Variants in EED observed in about 807,000 individuals in gnomAD.
The protein encoded by EED is embryonic ectoderm development.
A neutral mutation model predicts 61.0 loss-of-function variants in EED; 9 were observed. The observed-to-expected ratio is 0.15, with a 90% CI of 0.09 to 0.26. The LOEUF is 0.26. EED is among the 10% of genes least tolerant of loss of function. EED has a pLI of 1.00. For missense variants in EED, 315 were observed against 542.3 expected (o/e 0.58, Z 4.16); for synonymous variants, 187 against 174.4 (o/e 1.07, Z -0.57).
chr11:86,263,938 T>G, intron 6 of EED: 1 of 487,596 alleles, frequency 2.1e-6, no homozygotes, highest in Non-Finnish European at 3.7e-6. Flanking sequence ...ACTATTGCAT[T>G]GGGGATTGAG....
chr11:86,276,341 TC>T (rs1305284740), intron 9 of EED: 1 of 152,330 alleles, frequency 6.6e-6, no homozygotes, highest in East Asian at 1.9e-4. Context: ...TTCAATCCTA[TC>T]CCCATATGAG....
At chr11:86,249,345 G>A (rs1945467991) in intron 1 of EED, among the ~76,000 whole-genome samples, 1 of 147,814 alleles carries the variant, frequency 6.8e-6, no homozygotes, top group East Asian at 2.0e-4. Flanking sequence ...AGCCCCTAAA[G>A]CAGTGTTTCC....
At chr11:86,252,313 A>AAAGAT in intron 3 of EED, 73 bp downstream of exon 3, 1 of 1,082,576 alleles carries the variant, frequency 9.2e-7, no homozygotes, top group Admixed American at 2.1e-5. Flanking sequence ...TTGAAATAGA[A>AAAGAT]TAATTTCAAA....
At chr11:86,267,691 C>T (rs1056290553) in intron 8 of EED, among the ~76,000 whole-genome samples, 7 of 151,778 alleles carry the variant, frequency 4.6e-5, no homozygotes, top group Admixed American at 3.3e-4. Flanking sequence ...ACCTCTGCCT[C>T]GCAGGTTCAA....
chr11:86,258,486 T>C (rs955216413), intron 6 of EED, among the ~76,000 whole-genome samples: 1 of 152,112 alleles, frequency 6.6e-6, no homozygotes, highest in African/African-American at 2.4e-5. Context: ...TCTGAACAAC[T>C]GTATAGACCG....
rs548903343 is a variant in EED at position 86,245,241 on chromosome 11, G to C, written c.12G>C (p.Arg4Ser). 1.9e-6 allele frequency: 3 copies of C among 1,613,436 alleles called. No individual in the cohort carries two copies. The highest frequency in any genetic ancestry group is 3.3e-5 in the Admixed American group (2 of 59,968). The stretch of plus-strand genomic sequence containing the variant: ...GGAGGCGGAGGAATATGTCCGAGAG[G>C]GAAGTGTCGACTGCGCCGGCGGGAA... MSEREVSTAPAGTD... is the reference protein window; with the variant it reads MSESEVSTAPAGTD... The change falls in exon 1 of 12, where the codon AGG (arginine) becomes AGC (serine). Residue 4 changes from arginine to serine, a missense_variant. Arg to Ser is a moderately radical substitution (Grantham distance 110). Transcript: ENST00000263360.
At chr11:86,252,017 AAGTT>A in intron 2 of EED, 127 bp from the exon 3 acceptor site, 1 of 522,504 alleles carries the variant, frequency 1.9e-6, no homozygotes, top group East Asian at 3.0e-5. Context: ...TTAGTGTCAA[AAGTT>A]AGCTTATGTA....
intron 9 of EED, among the ~76,000 whole-genome samples, chr11:86,270,973 C>T (rs1314402970): frequency 2.0e-5 from 3 of 152,004 alleles, no homozygotes; most frequent in Non-Finnish European, 4.4e-5. Flanking sequence ...TTATTTTTTT[C>T]ATAATTGTTT....
chr11:86,256,373 G>A lies in EED; in HGVS notation c.427-14G>A. ...TTCAAAAACATTATGTTTCTTAACT[G>A]TGGAATTTCTTAGGCTGATGAAAAC... On this transcript the variant is annotated splice_polypyrimidine_tract_variant and intron_variant, in intron 4 of 11. Coordinates refer to ENST00000263360, the MANE Select transcript of EED (RefSeq NM_003797.5). 6.4e-7 allele frequency: 1 copy of A among 1,554,178 alleles called. No individual in the cohort carries two copies. Among genetic ancestry groups the A allele is most frequent in the Non-Finnish European group, 8.7e-7 (1 of 1,146,020 alleles).
At chr11:86,245,427 C>G (rs952121466) in intron 1 of EED, 84 bp downstream of exon 1, 3 of 1,156,600 alleles carry the variant, frequency 2.6e-6, no homozygotes, top group South Asian at 1.4e-5. Context: ...GACGAGCGGG[C>G]TGCTGTGGGG....
At chr11:86,249,812 A>G (rs1434390719) in intron 1 of EED, among the ~76,000 whole-genome samples, 3 of 152,256 alleles carry the variant, frequency 2.0e-5, no homozygotes, top group African/African-American at 7.2e-5. Flanking sequence ...AGAAGCCATT[A>G]ACACTCCTGC....
chr11:86,256,625 T>C (rs1945683364), intron 5 of EED, 113 bp downstream of exon 5: 1 of 1,123,728 alleles, frequency 8.9e-7, no homozygotes, highest in African/African-American at 1.6e-5. Context: ...TCATTTGATT[T>C]GTACTTTTCT....
At chr11:86,267,136 A>G (rs2138200313) in intron 8 of EED, among the ~76,000 whole-genome samples, 1 of 152,336 alleles carries the variant, frequency 6.6e-6, no homozygotes, top group African/African-American at 2.4e-5. Context: ...CAGAGTTTTC[A>G]AAAAATAACA....
chr11:86,286,429 TC>T, the EED span, among the ~76,000 whole-genome samples: 1 of 152,146 alleles, frequency 6.6e-6, no homozygotes, highest in South Asian at 2.1e-4. Context: ...GAGTATATCA[TC>T]TACTACAAAA....
chr11:86,271,340 A>G (rs188879794), intron 9 of EED, among the ~76,000 whole-genome samples: 111 of 152,346 alleles, frequency 7.3e-4, no homozygotes, highest in African/African-American at 2.6e-3. Context: ...TAACTAATAT[A>G]TAGAAATATA....
chr11:86,282,937 C>T (rs539480934), downstream of EED, among the ~76,000 whole-genome samples: 11 of 152,006 alleles, frequency 7.2e-5, 1 homozygote, highest in African/African-American at 2.4e-4. Context: ...CAAGACCAGC[C>T]GGGGCAACAT....
downstream of EED, among the ~76,000 whole-genome samples, chr11:86,281,907 G>A (rs1946328501): frequency 6.6e-6 from 1 of 152,174 alleles, no homozygotes. Context: ...TCTTAGGAAA[G>A]ATAAAACCAG....
Position 86,266,173 on chromosome 11 carries a change from G to A in EED, c.817G>A (p.Ala273Thr), listed in dbSNP as rs1358750337. 1 of 1,603,652 alleles carries A rather than the reference G, an allele frequency of 6.2e-7. No homozygotes were observed. Among genetic ancestry groups the A allele is most frequent in the East Asian group, 2.2e-5 (1 of 44,508 alleles). Residue 273 changes from alanine (A) to threonine (T), a missense_variant, in exon 8 of 12, where the codon GCA (alanine) becomes ACA (threonine). Physicochemically the swap from Ala to Thr is moderately conservative, Grantham distance 58. Transcript: ENST00000263360. ...GATCAATTCAAAGAGAATGATGAAT[G>A]CAATTAAGGAATCTTATGATTATAA... The part of the protein sequence containing the change: ...WRINSKRMMN[A>T]IKESYDYNPN...
chr11:86,272,317 C>T lies in EED; in HGVS notation c.966+3756C>T, dbSNP rs117482872. 6.9e-4 allele frequency among the ~76,000 whole-genome samples: 105 copies of T among 151,798 alleles called. 3 individuals are homozygous for T. The East Asian group carries it at 0.016, about 23-fold the overall frequency. On this transcript the variant is annotated intron_variant, in intron 9 of 11. Transcript: ENST00000263360. ...TGGTGATCCACCTGCTTCGGCCTCC[C>T]GACGTGCTGGGGTTACAGGCGTGAG... is the stretch of plus-strand genomic sequence containing the variant.
Sources: allele counts gnomAD v4.1 joint callset (sites outside exome capture counted in the v4.1 genomes callset), GRCh38; gene constraint gnomAD v4.1.1; transcripts MANE v1.5; gene names NCBI Gene and HGNC (gene_info 2026-07-23, HGNC 2026-07-21).